Variants in SLFN12L observed in about 807,000 individuals in gnomAD.
SLFN12L encodes schlafen family member 12-like.
SLFN12L carries 34 observed loss-of-function variants against 34.8 expected under a neutral mutation model. The observed-to-expected ratio is 0.98, with a 90% confidence interval of 0.74 to 1.30. The LOEUF is 1.30. Ranked by LOEUF, SLFN12L falls within the 50% of genes most tolerant of loss-of-function variation. The probability of loss-of-function intolerance (pLI) is 0.00; values close to 1 mark genes in which losing one functional copy is unlikely to be tolerated. For missense variants in SLFN12L, 703 were observed against 696.2 expected (o/e 1.01, Z -0.11); for synonymous variants, 259 against 247.5 (o/e 1.05, Z -0.44).
At chr17:35,519,936 C>G (rs567300870) in intron 2 of SLFN12L, among the ~76,000 whole-genome samples, 2 of 152,130 alleles carry the variant, frequency 1.3e-5, no homozygotes, top group African/African-American at 4.8e-5. Context: ...TCATTATAAC[C>G]GCTCTCTTTT....
At chr17:35,524,661 C>T (rs1035743099) in intron 1 of SLFN12L, among the ~76,000 whole-genome samples, 2 of 152,194 alleles carry the variant, frequency 1.3e-5, no homozygotes, top group African/African-American at 4.8e-5. Flanking sequence ...AACTAACAAA[C>T]AGAAAGGACT....
rs1221466580 is a variant in SLFN12L, at chr17:35,473,759, T to A, written c.*1164A>T. ...GCTCCTCTTTGTACCTCTGGTAGAA[T>A]TCAGCTGTGAATCTGTCTGGTCCTG... On this transcript the variant is annotated 3_prime_UTR_variant, in exon 5 of 5. Coordinates refer to ENST00000628453, the MANE Select transcript of SLFN12L (RefSeq NM_001363830.2). 2 of 152,228 alleles carry A rather than the reference T, an allele frequency of 1.3e-5. No individual in the cohort carries two copies. The highest frequency in any genetic ancestry group is 2.9e-5 in the Non-Finnish European group (2 of 68,038). 9.4% of individuals were successfully genotyped at this position (152,228 alleles called of 1,614,324 possible). A position where few individuals can be genotyped will look rare whatever the true frequency, so the allele number is the denominator to read the frequency against.
chr17:35,512,359 AT>A (rs35126425), intron 2 of SLFN12L, among the ~76,000 whole-genome samples: 2,177 of 53,850 alleles, frequency 0.04, 168 homozygotes, highest in African/African-American at 0.12. Flanking sequence ...AAAAGAGCTG[AT>A]TTTTTTTTTT....
chr17:35,491,177 G>A, intron 2 of SLFN12L: 1 of 883,104 alleles, frequency 1.1e-6, no homozygotes, highest in South Asian at 1.5e-5. Flanking sequence ...GAAGGCATCA[G>A]CGATCTCTTT....
rs1399327352 is a variant in SLFN12L, at chr17:35,473,352, T to C, written c.*1571A>G. On this transcript the variant is annotated 3_prime_UTR_variant, in exon 5 of 5. Transcript: ENST00000628453. ...CAATACCCAGTTTATTGAGAGTTTT[T>C]AACATAAAGGGATGTTGAATTTTGT... is the stretch of plus-strand genomic sequence containing the variant. 6.6e-6 allele frequency among the ~76,000 whole-genome samples: 1 copy of C among 152,248 alleles called. No homozygotes were observed. The highest frequency in any genetic ancestry group is 1.5e-5 in the Non-Finnish European group (1 of 68,034).
At chr17:35,480,571 T>A (rs578214629) in intron 2 of SLFN12L, 1 of 168,398 alleles carries the variant, frequency 5.9e-6, no homozygotes, top group East Asian at 1.7e-4. Flanking sequence ...TCATGCATAT[T>A]ATTTCTTCTT....
chr17:35,501,020 C>T (rs993530759), intron 2 of SLFN12L, among the ~76,000 whole-genome samples: 1 of 152,216 alleles, frequency 6.6e-6, no homozygotes, highest in African/African-American at 2.4e-5. Context: ...AAAGCCCTTC[C>T]TTCTACAACT....
chr17:35,497,262 A>G (rs1436927242), intron 2 of SLFN12L, among the ~76,000 whole-genome samples: 3 of 152,132 alleles, frequency 2.0e-5, no homozygotes, highest in Non-Finnish European at 4.4e-5. Context: ...GTGGTGGCAC[A>G]CACCTATAAT....
intron 1 of SLFN12L, among the ~76,000 whole-genome samples, chr17:35,525,040 G>A (rs530272902): frequency 6.6e-6 from 1 of 152,010 alleles, no homozygotes; most frequent in Admixed American, 6.6e-5. Context: ...GAAAAACACA[G>A]CACGAGAACT....
chr17:35,468,444 G>A lies in SLFN12L; in HGVS notation c.*6479C>T, dbSNP rs9303688. Reference sequence around the variant, plus strand: ...TCAGATGACATCGATCCAGCTTACCGTCAGAGATGAATTTACCCCTGCACC... The same window carrying A: ...TCAGATGACATCGATCCAGCTTACCATCAGAGATGAATTTACCCCTGCACC... On this transcript the variant is annotated 3_prime_UTR_variant, in exon 5 of 5. Coordinates refer to ENST00000628453, the MANE Select transcript of SLFN12L (RefSeq NM_001363830.2). 1 allele frequency among the ~76,000 whole-genome samples: 152,124 copies of A among 152,310 alleles called. 75,969 individuals carry two copies. The highest frequency in any genetic ancestry group is 1 in the Middle Eastern group (294 of 294).
chr17:35,490,460 A>C, intron 2 of SLFN12L: 4 of 1,018,710 alleles, frequency 3.9e-6, no homozygotes, highest in Admixed American at 3.4e-5. Flanking sequence ...CTAAAAGTGC[A>C]AAATAGAAGG....
chr17:35,520,826 C>T (rs373908080), intron 2 of SLFN12L, among the ~76,000 whole-genome samples: 1 of 152,108 alleles, frequency 6.6e-6, no homozygotes, highest in Non-Finnish European at 1.5e-5. Context: ...CATGCACATG[C>T]ACAACCCCCT....
intron 2 of SLFN12L, among the ~76,000 whole-genome samples, chr17:35,502,053 A>G (rs1329581148): frequency 6.6e-6 from 1 of 151,734 alleles, no homozygotes; most frequent in African/African-American, 2.4e-5. Flanking sequence ...AGGAAAGTCA[A>G]AGAGAGAGAG....
rs1394292774 is a variant in SLFN12L at position 35,522,313 on chromosome 17, T to C, written c.52A>G (p.Ile18Val). The change falls in exon 2 of 5, where the codon ATT becomes GTT. Residue 18 changes from isoleucine to valine, a missense_variant. By Grantham distance (29) the Ile-to-Val change is conservative (BLOSUM62 3). Transcript: ENST00000628453. ...FHCEAHRILY[I>V]CESQFLRNFI... ...TTCCTCAGAAACTGACTTTCACAAATGTAGAGAATTCTGTGTGCCTCACAG... is the reference window on the plus strand; with the variant it reads ...TTCCTCAGAAACTGACTTTCACAAACGTAGAGAATTCTGTGTGCCTCACAG... 10 of 1,614,164 alleles carry C rather than the reference T, an allele frequency of 6.2e-6. No individual in the cohort carries two copies. The highest frequency in any genetic ancestry group is 3.3e-5 in the Admixed American group (2 of 60,022).
Position 35,480,212 on chromosome 17 carries a change from TTAGAA to T in SLFN12L, c.87-22_87-18del, listed in dbSNP as rs1477035971. On this transcript the variant is annotated intron_variant, in intron 2 of 4. Coordinates refer to ENST00000628453, the MANE Select transcript of SLFN12L (RefSeq NM_001363830.2). ...AATTCTTTTCTGTAAAATAGAGCCG[TTAGAA>T]TAGGAGTTAAGCCTGAGAGACAGCA... The T allele has an allele frequency of 6.5e-7, 1 of 1,533,758 alleles. No individual in the cohort carries two copies. Among genetic ancestry groups the T allele is most frequent in the Admixed American group, 2.1e-5 (1 of 46,580 alleles).
At chr17:35,477,135 A>C (rs1914068453) in intron 4 of SLFN12L, among the ~76,000 whole-genome samples, 1 of 152,200 alleles carries the variant, frequency 6.6e-6, no homozygotes, top group Non-Finnish European at 1.5e-5. Context: ...CAGTTTGTTC[A>C]AGGGTCAGTT....
At chr17:35,487,965 T>C (rs1914668537) in intron 2 of SLFN12L, 44 of 683,686 alleles carry the variant, frequency 6.4e-5, no homozygotes, top group South Asian at 6.0e-4. Flanking sequence ...TCCCAGCACT[T>C]TGGGAGGCTG....
intron 1 of SLFN12L, among the ~76,000 whole-genome samples, chr17:35,523,401 G>A (rs1916055171): frequency 6.6e-6 from 1 of 152,206 alleles, no homozygotes; most frequent in Non-Finnish European, 1.5e-5. Flanking sequence ...TTCCCAGGAA[G>A]AAGGTACTCA....
intron 2 of SLFN12L, among the ~76,000 whole-genome samples, chr17:35,494,801 G>A (rs1914979633): frequency 6.6e-6 from 1 of 152,146 alleles, no homozygotes; most frequent in South Asian, 2.1e-4. Context: ...GCAGGGCCAG[G>A]CAAAGGCAGA....
Sources: gnomAD v4.1 joint callset for allele counts (sites outside exome capture counted in the v4.1 genomes callset) on GRCh38, gnomAD v4.1.1 for gene constraint, MANE v1.5 for transcripts, NCBI Gene and HGNC (gene_info 2026-07-23, HGNC 2026-07-21) for gene names.